The following TRPM1 variants were observed in gnomAD, a reference collection of about 807,000 sequenced individuals.
TRPM1 encodes TRPM1-203 APA Isoform, Intron 10.
TRPM1 carries 113 observed loss-of-function variants against 149.4 expected under a neutral mutation model. The observed-to-expected ratio is 0.76, with a 90% CI of 0.65 to 0.88. The LOEUF (loss-of-function observed/expected upper bound fraction) is 0.88. Ranked by LOEUF, TRPM1 falls within the 40% of genes least tolerant of loss-of-function variation. The pLI is 0.00. For missense variants in TRPM1, 1,976 were observed against 2,038.7 expected (o/e 0.97, Z 0.59); for synonymous variants, 741 against 759.5 (o/e 0.98, Z 0.40).
chr15:31,091,920 C>T lies in TRPM1; in HGVS notation c.-84+9737G>A, dbSNP rs530639346. Reference sequence around the variant, plus strand: ...CCACTTTGAATGTCACACAAAAAGCCCAGCATGCATGTGGCTCAACTGTTA... The same window carrying T: ...CCACTTTGAATGTCACACAAAAAGCTCAGCATGCATGTGGCTCAACTGTTA... On this transcript the variant is annotated intron_variant, in intron 1 of 27. Transcript: ENST00000256552. 9.2e-5 allele frequency among the ~76,000 whole-genome samples: 14 copies of T among 152,290 alleles called. No homozygotes were observed. In the East Asian group the frequency reaches 1.7e-3, roughly 19 times the overall value.
At chr15:31,159,625 T>C (rs760755371) in intron 1 of TRPM1, among the ~76,000 whole-genome samples, 1 of 152,190 alleles carries the variant, frequency 6.6e-6, no homozygotes, top group East Asian at 1.9e-4. Context: ...CATTTTGGAA[T>C]GGAGGCGAGC....
chr15:31,002,505 T>C lies in TRPM1; in HGVS notation c.4195A>G (p.Ile1399Val), dbSNP rs746239563. 15 of 1,614,160 alleles carry C rather than the reference T, an allele frequency of 9.3e-6. No individual in the cohort carries two copies. Among genetic ancestry groups the C allele is most frequent in the Non-Finnish European group, 1.3e-5 (15 of 1,180,024 alleles). ...TCTGTTTTATTTAAACTTGGGGAAA[T>C]AGTTTCTTCTTTTTTAGAGTCTGTC... ...RQTDSKKEET[I>V]SPSLNKTDVI... The change falls in exon 28 of 28, where the codon ATT becomes GTT. Residue 1399 changes from isoleucine to valine, a missense_variant. Physicochemically the swap from Ile to Val is conservative, Grantham distance 29. Coordinates refer to ENST00000256552, the MANE Select transcript of TRPM1 (RefSeq NM_001252024.2).
chr15:31,141,809 G>A (rs1231054343), intron 1 of TRPM1, among the ~76,000 whole-genome samples: 2 of 152,224 alleles, frequency 1.3e-5, no homozygotes, highest in East Asian at 3.8e-4. Context: ...AAAATTGGTT[G>A]TGAGGGATAT....
chr15:31,149,809 G>A (rs986493820), intron 1 of TRPM1, among the ~76,000 whole-genome samples: 2 of 151,978 alleles, frequency 1.3e-5, no homozygotes, highest in African/African-American at 4.8e-5. Flanking sequence ...GTGAGCCACG[G>A]CGCCAGGCCG....
chr15:31,128,995 C>A (rs559652023), intron 1 of TRPM1, among the ~76,000 whole-genome samples: 6 of 152,338 alleles, frequency 3.9e-5, no homozygotes, highest in South Asian at 2.1e-4. Context: ...GTGCTGATGG[C>A]CACATGCCAT....
chr15:31,149,642 C>T (rs1357907434), intron 1 of TRPM1, among the ~76,000 whole-genome samples: 1 of 151,910 alleles, frequency 6.6e-6, no homozygotes, highest in Admixed American at 6.6e-5. Context: ...GCCTCAGCCT[C>T]CCGAGTAGCT....
intron 15 of TRPM1, among the ~76,000 whole-genome samples, chr15:31,046,828 A>G (rs1446548532): frequency 2.0e-5 from 3 of 152,164 alleles, no homozygotes; most frequent in African/African-American, 7.2e-5. Flanking sequence ...GTGGTGGGAT[A>G]GTAGAATAGG....
chr15:31,121,223 C>CAAAAAA (rs71420549), intron 1 of TRPM1, among the ~76,000 whole-genome samples: 75 of 58,950 alleles, frequency 1.3e-3, no homozygotes, highest in Middle Eastern at 0.011. Context: ...GACTCCATCT[C>CAAAAAA]AAAAAAAAAA....
chr15:31,147,007 A>G (rs1463845418), intron 1 of TRPM1, among the ~76,000 whole-genome samples: 1 of 152,054 alleles, frequency 6.6e-6, no homozygotes, highest in East Asian at 1.9e-4. Flanking sequence ...AAAAATGACC[A>G]ATTCAATGTT....
At chr15:31,119,196 G>A (rs913826963) in intron 1 of TRPM1, among the ~76,000 whole-genome samples, 6 of 151,884 alleles carry the variant, frequency 4.0e-5, no homozygotes, top group Non-Finnish European at 5.9e-5. Context: ...AGCCAAAATC[G>A]CACCATCGCA....
At chr15:31,136,399 G>GGCATTTGTAGCACTTTATTGTTCA (rs1184606205) in intron 1 of TRPM1, among the ~76,000 whole-genome samples, 1 of 152,210 alleles carries the variant, frequency 6.6e-6, no homozygotes, top group Non-Finnish European at 1.5e-5. Flanking sequence ...ATAATCGGAA[G>GGCATTTGTAGCACTTTATTGTTCA]GCATTTGTAG....
At chr15:31,146,944 T>G (rs1167706143) in intron 1 of TRPM1, among the ~76,000 whole-genome samples, 1 of 151,876 alleles carries the variant, frequency 6.6e-6, no homozygotes, top group African/African-American at 2.4e-5. Context: ...GCTGAGATCA[T>G]GTTATTGCAC....
At chr15:31,147,667 T>G (rs1033798530) in intron 1 of TRPM1, among the ~76,000 whole-genome samples, 4 of 152,204 alleles carry the variant, frequency 2.6e-5, no homozygotes, top group Non-Finnish European at 4.4e-5. Flanking sequence ...GCGAGGCCTG[T>G]GTATGGCAAA....
At chr15:31,079,540 G>A (rs1418164188) in intron 2 of TRPM1, among the ~76,000 whole-genome samples, 5 of 152,268 alleles carry the variant, frequency 3.3e-5, no homozygotes, top group African/African-American at 4.8e-5. Flanking sequence ...ATGCAAAACA[G>A]AAGCCAGGTC....
In TRPM1 at chr15:31,002,164, C is replaced by T. The variant is rs778981091; in HGVS notation, c.4536G>A (p.Ser1512=). The change falls in exon 28 of 28, where the codon TCG becomes TCA. Residue 1512 remains serine (S), a synonymous_variant. Coordinates refer to ENST00000256552, the MANE Select transcript of TRPM1 (RefSeq NM_001252024.2). ...TATGCTCAGCTTGCACTGCAGCTTCCGACACAATGTAAGGAATATCTGTGC... is the reference window on the plus strand; with the variant it reads ...TATGCTCAGCTTGCACTGCAGCTTCTGACACAATGTAAGGAATATCTGTGC... ...SHSTDIPYIV[S]EAAVQAEHKE... 1.2e-5 allele frequency: 20 copies of T among 1,614,086 alleles called. No homozygotes were observed. The highest frequency in any genetic ancestry group is 1.1e-4 in the African/African-American group (8 of 74,922).
chr15:31,135,070 T>C (rs552955924), intron 1 of TRPM1, among the ~76,000 whole-genome samples: 26 of 152,370 alleles, frequency 1.7e-4, no homozygotes, highest in African/African-American at 6.0e-4. Flanking sequence ...ATACATATGA[T>C]TAAACTTTTG....
chr15:31,026,295 C>T (rs982560802), intron 26 of TRPM1, 24 bp from the exon 27 acceptor site: 3 of 1,607,016 alleles, frequency 1.9e-6, no homozygotes, highest in Non-Finnish European at 2.5e-6. Flanking sequence ...GAAGTGTCGG[C>T]CACGTGAAAA....
intron 16 of TRPM1, among the ~76,000 whole-genome samples, chr15:31,045,931 T>C (rs563693509): frequency 2.0e-5 from 3 of 152,364 alleles, no homozygotes; most frequent in Admixed American, 2.0e-4. Context: ...TTTTTACTTA[T>C]GGTTTTTGCA....
chr15:31,070,546 C>T (rs1422527180), intron 3 of TRPM1: 1 of 558,148 alleles, frequency 1.8e-6, no homozygotes, highest in Non-Finnish European at 3.4e-6. Context: ...TATAGACATG[C>T]CCTCCGAACA....
Sources: gnomAD v4.1 joint callset for allele counts (sites outside exome capture counted in the v4.1 genomes callset) on GRCh38, gnomAD v4.1.1 for gene constraint, MANE v1.5 for transcripts, NCBI Gene and HGNC (gene_info 2026-07-23, HGNC 2026-07-21) for gene names.